The following NELL2 variants were observed in gnomAD, a reference collection of about 807,000 sequenced individuals.
The protein encoded by NELL2 is protein kinase C-binding protein NELL2.
A neutral mutation model predicts 109.6 loss-of-function variants in NELL2; 41 were observed. That is an observed-to-expected ratio of 0.37 (90% CI 0.29 to 0.49). The LOEUF (loss-of-function observed/expected upper bound fraction) is 0.49. NELL2 is among the 20% of genes least tolerant of loss of function. The pLI is 0.98. For synonymous variants in NELL2, 355 were observed against 344.7 expected, an observed-to-expected ratio of 1.03 and a Z score of -0.33; for missense variants, 900 against 1,008.3, an observed-to-expected ratio of 0.89 and a Z score of 1.45.
At position 44,522,244 on chromosome 12, in the gene NELL2, C is replaced by T. The variant is rs531445293; in HGVS notation, c.1999-68G>A. 1.2e-4 allele frequency: 158 copies of T among 1,305,976 alleles called. 1 individual carries two copies. The South Asian group carries it at 1.3e-3, about 11-fold the overall frequency. The allele number at this position is 1,305,976 out of a possible 1,614,324, so 80.9% of individuals were successfully genotyped here. Reference sequence around the variant, plus strand: ...TCTCAGTAACACGCACACACACACACGCACACACATTTCAGATGGTGACTT... The same window carrying T: ...TCTCAGTAACACGCACACACACACATGCACACACATTTCAGATGGTGACTT... On this transcript the variant is annotated intron_variant, in intron 17 of 19. Coordinates refer to ENST00000429094, the MANE Select transcript of NELL2 (RefSeq NM_001145108.2).
intron 2 of NELL2, among the ~76,000 whole-genome samples, chr12:44,821,581 A>G (rs1028293114): frequency 6.6e-6 from 1 of 152,246 alleles, no homozygotes; most frequent in Non-Finnish European, 1.5e-5. Context: ...CTCAAGGATT[A>G]CATAATGTTC....
At chr12:44,717,554 G>C (rs1566229904) in intron 9 of NELL2, among the ~76,000 whole-genome samples, 1 of 152,048 alleles carries the variant, frequency 6.6e-6, no homozygotes, top group Non-Finnish European at 1.5e-5. Context: ...TTCTAAGAAG[G>C]GACAGCTGGA....
rs1014439248 is a variant in NELL2, at chr12:44,519,909, A to C, written c.2400+96T>G. On this transcript the variant is annotated intron_variant, in intron 19 of 19. Transcript: ENST00000429094. Reference sequence around the variant, plus strand: ...TTGAAAAATAAACAGGAAAAAAAAAAAAAACCTTCCTATTGTCCAGGTAGA... The same window carrying C: ...TTGAAAAATAAACAGGAAAAAAAAACAAAACCTTCCTATTGTCCAGGTAGA... The C allele has an allele frequency of 1.2e-5, 14 of 1,121,030 alleles. 1 individual carries two copies. Among genetic ancestry groups the C allele is most frequent in the Non-Finnish European group, 1.8e-5 (14 of 780,810 alleles). 69.4% of individuals were successfully genotyped at this position (1,121,030 alleles called of 1,614,324 possible).
At chr12:44,911,640 G>GT (rs1945780914) in intron 1 of NELL2, among the ~76,000 whole-genome samples, 1 of 151,660 alleles carries the variant, frequency 6.6e-6, no homozygotes, top group Non-Finnish European at 1.5e-5. Context: ...CAAGATAGAG[G>GT]TTTTATCAGG....
intron 9 of NELL2, among the ~76,000 whole-genome samples, chr12:44,767,064 G>A (rs1189968747): frequency 6.6e-6 from 1 of 152,110 alleles, no homozygotes; most frequent in Non-Finnish European, 1.5e-5. Flanking sequence ...TAGAGCCAGA[G>A]GACAGTATCC....
intron 15 of NELL2, among the ~76,000 whole-genome samples, chr12:44,571,727 T>C (rs1243957770): frequency 6.6e-6 from 1 of 152,268 alleles, no homozygotes; most frequent in African/African-American, 2.4e-5. Flanking sequence ...TATGAGAAGT[T>C]GTTACCCTTA....
rs116845343 is a variant in NELL2, at chr12:44,540,510, T to C, written c.1664-7789A>G. Among the ~76,000 whole-genome samples the C allele has an allele frequency of 3.9e-3, 601 of 152,184 alleles. 1 individual carries two copies. Among genetic ancestry groups the C allele is most frequent in the Middle Eastern group, 6.8e-3 (2 of 294 alleles). ...CTGAGATGAGACATGGAGCTGGAAG[T>C]AGCTGAGTTAATTAAAAGTCTACTG... On this transcript the variant is annotated intron_variant, in intron 15 of 19. Transcript: ENST00000429094.
chr12:44,541,335 T>C (rs1942560917), intron 15 of NELL2, among the ~76,000 whole-genome samples: 1 of 147,716 alleles, frequency 6.8e-6, no homozygotes, highest in East Asian at 2.0e-4. Flanking sequence ...CATTCTCAAA[T>C]AGATTTGAGA....
upstream of NELL2, among the ~76,000 whole-genome samples, chr12:44,916,799 T>G (rs1390908648): frequency 6.6e-5 from 10 of 152,178 alleles, no homozygotes; most frequent in Non-Finnish European, 1.3e-4. Context: ...GTCAGAAAAC[T>G]CTAAAGGTCC....
rs10538007 is a variant in NELL2 at position 44,598,163 on chromosome 12, CAAAAA to C, written c.1663+9001_1663+9005del. 6.2e-3 allele frequency among the ~76,000 whole-genome samples: 764 copies of C among 122,876 alleles called. 8 individuals are homozygous for C. Among genetic ancestry groups the C allele is most frequent in the African/African-American group, 0.018 (623 of 34,920 alleles). The allele number at this position is 122,876 out of a possible 152,430, so 80.6% of individuals were successfully genotyped here. On this transcript the variant is annotated intron_variant, in intron 15 of 19. Coordinates refer to ENST00000429094, the MANE Select transcript of NELL2 (RefSeq NM_001145108.2). ...TAACCTGGAATATAATTTATTCTCT[CAAAAA>C]AAAAAAAAAAAAAAACAGTAAGTTT...
intron 9 of NELL2, among the ~76,000 whole-genome samples, chr12:44,748,234 C>T (rs182179357): frequency 6.6e-6 from 1 of 152,238 alleles, no homozygotes; most frequent in African/African-American, 2.4e-5. Flanking sequence ...TTCATACAGG[C>T]TAACATACAA....
intron 15 of NELL2, among the ~76,000 whole-genome samples, chr12:44,567,892 A>C (rs1264730857): frequency 2.6e-5 from 4 of 152,154 alleles, no homozygotes; most frequent in Non-Finnish European, 5.9e-5. Flanking sequence ...TTGATAAGGA[A>C]AGTGGGGAAT....
chr12:44,563,022 T>C (rs571772673), intron 15 of NELL2, among the ~76,000 whole-genome samples: 6 of 152,262 alleles, frequency 3.9e-5, no homozygotes, highest in Admixed American at 2.0e-4. Context: ...TGCAGGGACA[T>C]GGATAAAGCT....
intron 19 of NELL2, among the ~76,000 whole-genome samples, chr12:44,509,716 T>G (rs1051438085): frequency 2.0e-5 from 3 of 152,144 alleles, no homozygotes; most frequent in Non-Finnish European, 2.9e-5. Flanking sequence ...GGGAATGAAT[T>G]GTCGTTGTTT....
chr12:44,539,576 C>T (rs1459399465), intron 15 of NELL2, among the ~76,000 whole-genome samples: 1 of 151,858 alleles, frequency 6.6e-6, no homozygotes, highest in Non-Finnish European at 1.5e-5. Context: ...TTTAAATAAA[C>T]TTTATTGAGG....
At chr12:44,668,877 C>A (rs1948040374) in intron 12 of NELL2, among the ~76,000 whole-genome samples, 2 of 152,060 alleles carry the variant, frequency 1.3e-5, no homozygotes, top group Non-Finnish European at 2.9e-5. Context: ...CAAGGACCCA[C>A]TCAGTTGGCC....
rs916519032 is a variant in NELL2 at position 44,871,177 on chromosome 12, G to A, written c.184+4048C>T. On this transcript the variant is annotated intron_variant, in intron 2 of 19. Transcript: ENST00000429094. ...ACTCTTACATATCCTTCAACTATCA[G>A]CTTAAATGACTATTCTTCAAAGATG... Among the ~76,000 whole-genome samples the A allele has an allele frequency of 7.7e-4, 117 of 151,992 alleles. 1 individual carries two copies. The highest frequency in any genetic ancestry group is 2.2e-4 in the Non-Finnish European group (15 of 67,986).
At chr12:44,821,879 G>T (rs1003771425) in intron 2 of NELL2, among the ~76,000 whole-genome samples, 1 of 147,114 alleles carries the variant, frequency 6.8e-6, no homozygotes, top group Admixed American at 7.0e-5. Flanking sequence ...CACCACGCCC[G>T]GCTGGTTTTA....
chr12:44,707,778 G>T (rs1277135335), intron 11 of NELL2, among the ~76,000 whole-genome samples: 2 of 152,144 alleles, frequency 1.3e-5, no homozygotes, highest in Non-Finnish European at 1.5e-5. Context: ...TTAAAAGTGA[G>T]TCGACTATAG....
Sources: allele counts gnomAD v4.1 joint callset (sites outside exome capture counted in the v4.1 genomes callset), GRCh38; gene constraint gnomAD v4.1.1; transcripts MANE v1.5; gene names NCBI Gene and HGNC (gene_info 2026-07-23, HGNC 2026-07-21).